NOSTRIN: variants seen among roughly 807,000 people sequenced by gnomAD.
NOSTRIN encodes nitric oxide synthase trafficking.
In NOSTRIN, 63 loss-of-function variants were observed where a neutral mutation model predicts 59.0. The observed-to-expected ratio is 1.07, with a 90% CI of 0.87 to 1.32. The LOEUF is 1.32. NOSTRIN is among the 40% of genes most tolerant of loss of function. NOSTRIN has a pLI of 0.00. For synonymous variants in NOSTRIN, 200 were observed against 165.4 expected (o/e 1.21, Z -1.61); for missense variants, 512 against 473.1 (o/e 1.08, Z -0.76).
intron 3 of NOSTRIN, among the ~76,000 whole-genome samples, chr2:168,826,695 T>C (rs930712192): frequency 6.6e-6 from 1 of 152,232 alleles, no homozygotes; most frequent in African/African-American, 2.4e-5. Flanking sequence ...TACCCAGAAA[T>C]GTGCCTGACT....
chr2:168,804,714 C>T (rs1685756780), intron 1 of NOSTRIN, among the ~76,000 whole-genome samples: 1 of 152,114 alleles, frequency 6.6e-6, no homozygotes. Flanking sequence ...ACCGGGCCCA[C>T]ACCAATGTAC....
At chr2:168,848,152 C>G (rs188693674) in intron 8 of NOSTRIN, among the ~76,000 whole-genome samples, 21 of 152,310 alleles carry the variant, frequency 1.4e-4, no homozygotes, top group African/African-American at 5.1e-4. Context: ...CATAGGAGAT[C>G]CAAACAACTG....
At chr2:168,830,423 A>G (rs1687297908) in intron 5 of NOSTRIN, among the ~76,000 whole-genome samples, 1 of 152,342 alleles carries the variant, frequency 6.6e-6, no homozygotes, top group East Asian at 1.9e-4. Flanking sequence ...CCAGACACAT[A>G]TGTGAAATCA....
chr2:168,822,697 G>T (rs1686816561), intron 2 of NOSTRIN, among the ~76,000 whole-genome samples: 1 of 152,170 alleles, frequency 6.6e-6, no homozygotes, highest in African/African-American at 2.4e-5. Context: ...CTATAGATGG[G>T]TCTGTAAATA....
At position 168,851,413 on chromosome 2, in the gene NOSTRIN, G is replaced by A. The variant is rs1382285910; in HGVS notation, c.855+9G>A. 2.5e-6 allele frequency: 4 copies of A among 1,588,212 alleles called. No individual in the cohort carries two copies. Among genetic ancestry groups the A allele is most frequent in the Admixed American group, 1.9e-5 (1 of 52,412 alleles). The stretch of plus-strand genomic sequence containing the variant: ...TGTTAACGGATTACTTTGTGAGTAT[G>A]AAATGGAAAAAAAAAGTTACATTAA... On this transcript the variant is annotated intron_variant, in intron 10 of 15. Coordinates refer to ENST00000317647, the MANE Select transcript of NOSTRIN (RefSeq NM_001039724.4).
At chr2:168,838,536 A>G (rs898846422) in intron 7 of NOSTRIN, among the ~76,000 whole-genome samples, 2 of 152,136 alleles carry the variant, frequency 1.3e-5, no homozygotes, top group African/African-American at 2.4e-5. Context: ...CACCGTGCCC[A>G]GCCCCAAATA....
At chr2:168,819,159 C>G (rs1350412251) in intron 2 of NOSTRIN, among the ~76,000 whole-genome samples, 1 of 152,172 alleles carries the variant, frequency 6.6e-6, no homozygotes. Flanking sequence ...TAGCTCTGCT[C>G]TCTCTACTCC....
In NOSTRIN at chr2:168,851,369, G is replaced by A; in HGVS notation, c.820G>A (p.Glu274Lys). 1.2e-6 allele frequency: 2 copies of A among 1,612,590 alleles called. No homozygotes were observed. Among genetic ancestry groups the A allele is most frequent in the Non-Finnish European group, 1.7e-6 (2 of 1,179,708 alleles). Residue 274 changes from glutamate (E) to lysine (K), a missense_variant, in exon 10 of 16, where the codon GAA becomes AAA. By Grantham distance (56) the Glu-to-Lys change is moderately conservative. Coordinates refer to ENST00000317647, the MANE Select transcript of NOSTRIN (RefSeq NM_001039724.4). ...GGAAGAAACTGCAATTTTATCTACA[G>A]AAAACAAATCTGAGTTCCTGTTAAC... ...VMEETAILSTENKSEFLLTDY... is the reference protein window; with the variant it reads ...VMEETAILSTKNKSEFLLTDY...
At chr2:168,835,207 T>G (rs1206353274) in intron 7 of NOSTRIN, among the ~76,000 whole-genome samples, 2 of 152,074 alleles carry the variant, frequency 1.3e-5, no homozygotes, top group Admixed American at 6.6e-5. Context: ...CCCAAGTAGC[T>G]GGGACTACAG....
chr2:168,864,475 G>A (rs1689725054), intron 15 of NOSTRIN, among the ~76,000 whole-genome samples: 1 of 140,298 alleles, frequency 7.1e-6, no homozygotes, highest in Non-Finnish European at 1.5e-5. Context: ...TAGCAGAGAA[G>A]GGGTTTCACC....
At chr2:168,811,897 A>C in intron 2 of NOSTRIN, 1 of 328,166 alleles carries the variant, frequency 3.0e-6, no homozygotes, top group East Asian at 5.8e-5. Flanking sequence ...CTGATTCCTC[A>C]GACTGGGTTT....
At chr2:168,818,152 TA>T (rs1208464116) in intron 2 of NOSTRIN, 8 of 286,662 alleles carry the variant, frequency 2.8e-5, no homozygotes, top group South Asian at 9.8e-5. Context: ...AGCTCTATTT[TA>T]TTATTTTATG....
At chr2:168,850,957 A>G (rs1688730033) in intron 8 of NOSTRIN, 127 bp from the exon 9 acceptor site, 1 of 820,308 alleles carries the variant, frequency 1.2e-6, no homozygotes, top group African/African-American at 1.7e-5. Flanking sequence ...TGGTTTGGAT[A>G]TGACATAGTC....
chr2:168,855,274 G>A (rs1352828025), intron 10 of NOSTRIN, 78 bp from the exon 11 acceptor site: 2 of 634,458 alleles, frequency 3.2e-6, no homozygotes. Context: ...AATGCAGCCA[G>A]TGGAAGTATC....
At chr2:168,793,713 G>A (rs972468976), upstream of NOSTRIN, among the ~76,000 whole-genome samples, 1 of 152,196 alleles carries the variant, frequency 6.6e-6, no homozygotes, top group African/African-American at 2.4e-5. Context: ...TTTGGTTAAA[G>A]TTAAAACATG....
At position 168,828,504 on chromosome 2, in the gene NOSTRIN, G is replaced by A. The variant is rs1687179223; in HGVS notation, c.342+3G>A. ...TACAAGAGAAGAAGAGAAAATCAGTGAGTCCAAACCTTTCTTTACTCTTCC... is the reference window on the plus strand; with the variant it reads ...TACAAGAGAAGAAGAGAAAATCAGTAAGTCCAAACCTTTCTTTACTCTTCC... On this transcript the variant is annotated splice_donor_region_variant and intron_variant, in intron 5 of 15. Coordinates refer to ENST00000317647, the MANE Select transcript of NOSTRIN (RefSeq NM_001039724.4). The A allele has an allele frequency of 1.1e-6, 1 of 869,960 alleles. No homozygotes were observed. Among genetic ancestry groups the A allele is most frequent in the Non-Finnish European group, 2.0e-6 (1 of 500,898 alleles). 53.9% of individuals were successfully genotyped at this position (869,960 alleles called of 1,614,324 possible). A position where few individuals can be genotyped will look rare whatever the true frequency, so the allele number is the denominator to read the frequency against.
chr2:168,849,858 C>A (rs1688649357), intron 8 of NOSTRIN, among the ~76,000 whole-genome samples: 1 of 151,582 alleles, frequency 6.6e-6, no homozygotes, highest in Admixed American at 6.6e-5. Context: ...GCTTTCTGCC[C>A]CCTGTAAAAC....
At position 168,860,821 on chromosome 2, in the gene NOSTRIN, ATC is replaced by A; in HGVS notation, c.1209_1210del (p.Arg404AlafsTer51). On this transcript the variant is annotated frameshift_variant, in exon 14 of 16. Transcript: ENST00000317647. LOFTEE classifies it high-confidence loss of function. ...KEHTHSYVKI[S>X]RPFLMKRLEN... The stretch of plus-strand genomic sequence containing the variant: ...AGCATACTCATAGCTATGTGAAAAT[ATC>A]TCGGCCTTTTTTAATGAAGAGATTA... 6.2e-7 allele frequency: 1 copy of A among 1,612,814 alleles called. No homozygotes were observed. Among genetic ancestry groups the A allele is most frequent in the Non-Finnish European group, 8.5e-7 (1 of 1,178,806 alleles).
intron 1 of NOSTRIN, among the ~76,000 whole-genome samples, chr2:168,804,176 T>C (rs1266738568): frequency 2.6e-5 from 4 of 152,134 alleles, no homozygotes; most frequent in East Asian, 3.8e-4. Context: ...TCTTCAGACG[T>C]GGAGAAATGT....
Sources: allele counts gnomAD v4.1 joint callset (sites outside exome capture counted in the v4.1 genomes callset), GRCh38; gene constraint gnomAD v4.1.1; transcripts MANE v1.5; gene names NCBI Gene and HGNC (gene_info 2026-07-23, HGNC 2026-07-21).